The following AHR variants were observed in gnomAD, a reference collection of about 807,000 sequenced individuals.
AHR encodes AH-receptor.
Under a neutral mutation model 86.8 loss-of-function variants are expected in AHR, and 40 were observed. The ratio of observed to expected loss-of-function variants is 0.46; its 90% CI spans 0.36 to 0.60. The LOEUF is 0.60. Ranked by LOEUF, AHR falls within the 20% of genes least tolerant of loss-of-function variation. The probability of loss-of-function intolerance (pLI) is 0.00; values close to 1 mark genes in which losing one functional copy is unlikely to be tolerated. For missense variants in AHR, 1,001 were observed against 1,011.6 expected (o/e 0.99, Z 0.14); for synonymous variants, 398 against 354.9 (o/e 1.12, Z -1.37).
chr7:17,325,533 A>G (rs1191531164), intron 3 of AHR, among the ~76,000 whole-genome samples: 1 of 152,234 alleles, frequency 6.6e-6, no homozygotes, highest in Admixed American at 6.5e-5. Flanking sequence ...TTAGTCATTA[A>G]CTATTCAAGT....
At chr7:17,314,907 G>C (rs573033807) in intron 2 of AHR, among the ~76,000 whole-genome samples, 5 of 152,064 alleles carry the variant, frequency 3.3e-5, no homozygotes, top group African/African-American at 1.2e-4. Flanking sequence ...AAGTAGGTTT[G>C]TTTGCATAAC....
At chr7:17,342,619 C>G (rs1157499669) in intron 10 of AHR, among the ~76,000 whole-genome samples, 3 of 152,088 alleles carry the variant, frequency 2.0e-5, no homozygotes, top group East Asian at 1.9e-4. Flanking sequence ...TGCTGTTTGA[C>G]CCATCAATTC....
At chr7:17,328,588 C>A (rs1205501475) in intron 4 of AHR, among the ~76,000 whole-genome samples, 1 of 151,754 alleles carries the variant, frequency 6.6e-6, no homozygotes, top group Non-Finnish European at 1.5e-5. Context: ...CTTGGTCATC[C>A]CTGTGAGCCC....
At chr7:17,310,986 A>G (rs1782058430) in intron 2 of AHR, among the ~76,000 whole-genome samples, 1 of 152,154 alleles carries the variant, frequency 6.6e-6, no homozygotes, top group African/African-American at 2.4e-5. Flanking sequence ...CATTAACCAA[A>G]CCAGGTAGCA....
At chr7:17,299,673 T>C (rs1402434531) in intron 1 of AHR, among the ~76,000 whole-genome samples, 1 of 152,256 alleles carries the variant, frequency 6.6e-6, no homozygotes, top group African/African-American at 2.4e-5. Flanking sequence ...TATAAACCTG[T>C]CTTGAAATCT....
chr7:17,343,479 G>C lies in AHR; in HGVS notation c.*415G>C, dbSNP rs912342671. ...TTCTTATTAGTTCCCCAAATACAAA[G>C]TTAGAGAACTAAACTAGTTTTTCCT... On this transcript the variant is annotated 3_prime_UTR_variant, in exon 11 of 11. Coordinates refer to ENST00000242057, the MANE Select transcript of AHR (RefSeq NM_001621.5). 3.0e-5 allele frequency: 5 copies of C among 164,614 alleles called. No individual in the cohort carries two copies. The highest frequency in any genetic ancestry group is 1.2e-4 in the African/African-American group (5 of 41,548). The allele number at this position is 164,614 out of a possible 1,614,324, so 10.2% of individuals were successfully genotyped here. A position where few individuals can be genotyped will look rare whatever the true frequency, so the allele number is the denominator to read the frequency against.
Position 17,334,980 on chromosome 7 carries a change from C to A in AHR, c.1002C>A (p.Ala334=), listed in dbSNP as rs566364753. The A allele has an allele frequency of 1.9e-6, 3 of 1,612,522 alleles. No individual in the cohort carries two copies. The Admixed American group carries it at 5.0e-5, about 27-fold the overall frequency. The stretch of plus-strand genomic sequence containing the variant: ...ATGCAGCTGATATGCTTTATTGTGC[C>A]GAGTCCCATATCCGAAGTAAGTTGT... ...FIHAADMLYC[A]ESHIRMIKTG... is the part of the protein sequence containing the mutation. The change falls in exon 8 of 11, where the codon GCC becomes GCA. Residue 334 remains alanine, a synonymous_variant. Coordinates refer to ENST00000242057, the MANE Select transcript of AHR (RefSeq NM_001621.5).
chr7:17,312,708 T>C (rs1782078521), intron 2 of AHR, among the ~76,000 whole-genome samples: 1 of 152,196 alleles, frequency 6.6e-6, no homozygotes, highest in Non-Finnish European at 1.5e-5. Context: ...TTCAGTGTAT[T>C]TGACAGTAGG....
At chr7:17,340,343 G>T in intron 10 of AHR, 115 bp downstream of exon 10, 1 of 1,348,926 alleles carries the variant, frequency 7.4e-7, no homozygotes. Flanking sequence ...CATTCATGGA[G>T]ACAGCATTTT....
chr7:17,324,673 GTGCC>G (rs1316301724), intron 3 of AHR, among the ~76,000 whole-genome samples: 1 of 151,912 alleles, frequency 6.6e-6, no homozygotes, highest in Non-Finnish European at 1.5e-5. Context: ...GTGGTGGCGG[GTGCC>G]TGTAATCCTA....
intron 1 of AHR, among the ~76,000 whole-genome samples, chr7:17,299,566 T>C (rs2115347442): frequency 6.6e-6 from 1 of 152,368 alleles, no homozygotes; most frequent in South Asian, 2.1e-4. Context: ...CCCGCACCAG[T>C]GCATACACAC....
intron 2 of AHR, among the ~76,000 whole-genome samples, chr7:17,310,401 G>T (rs140374219): frequency 6.6e-6 from 1 of 151,594 alleles, no homozygotes; most frequent in African/African-American, 2.4e-5. Context: ...TCAAATTCCA[G>T]TTTCCCTTCT....
chr7:17,303,847 AAATTTACTAATTAC>A (rs1159865985), intron 1 of AHR, among the ~76,000 whole-genome samples: 2 of 152,126 alleles, frequency 1.3e-5, no homozygotes, highest in Non-Finnish European at 2.9e-5. Flanking sequence ...AAATTAAGAA[AAATTTACTAATTAC>A]ATTCCATCAT....
At chr7:17,317,724 A>T (rs1042086867) in intron 2 of AHR, among the ~76,000 whole-genome samples, 6 of 152,112 alleles carry the variant, frequency 3.9e-5, no homozygotes, top group Admixed American at 2.0e-4. Context: ...GTGGCTAAGC[A>T]TTGTATTTTA....
At position 17,344,393 on chromosome 7, in the gene AHR, C is replaced by A. The variant is rs1012033201; in HGVS notation, c.*1329C>A. 2.6e-5 allele frequency: 4 copies of A among 152,674 alleles called. No individual in the cohort carries two copies. The highest frequency in any genetic ancestry group is 4.4e-5 in the Non-Finnish European group (3 of 68,020). The allele number at this position is 152,674 out of a possible 1,614,324, so 9.5% of individuals were successfully genotyped here. ...AAAAAGTCCATACCTTATATATGCACTTAATTTGTTGGGGCTTTACATACT... is the reference window on the plus strand; with the variant it reads ...AAAAAGTCCATACCTTATATATGCAATTAATTTGTTGGGGCTTTACATACT... On this transcript the variant is annotated 3_prime_UTR_variant, in exon 11 of 11. Transcript: ENST00000242057.
At chr7:17,303,508 T>C (rs1781974521) in intron 1 of AHR, among the ~76,000 whole-genome samples, 1 of 152,098 alleles carries the variant, frequency 6.6e-6, no homozygotes, top group Admixed American at 6.6e-5. Flanking sequence ...CCCATACTTG[T>C]GTTTTTACGT....
At chr7:17,335,461 A>G (rs571319050) in intron 8 of AHR, among the ~76,000 whole-genome samples, 184 bp from the exon 9 acceptor site, 1 of 152,194 alleles carries the variant, frequency 6.6e-6, no homozygotes, top group African/African-American at 2.4e-5. Flanking sequence ...CATTTAAAAT[A>G]ATAAATTTAA....
intron 1 of AHR, among the ~76,000 whole-genome samples, chr7:17,309,200 C>T (rs915033744): frequency 2.6e-5 from 4 of 152,002 alleles, no homozygotes; most frequent in Non-Finnish European, 4.4e-5. Context: ...TTTAGGGTTC[C>T]GTTGAACTTT....
At chr7:17,329,301 CTT>C (rs1318587739) in intron 4 of AHR, among the ~76,000 whole-genome samples, 16 of 151,966 alleles carry the variant, frequency 1.1e-4, no homozygotes, top group Admixed American at 8.5e-4. Flanking sequence ...TTTTGTGAAA[CTT>C]TTCCATGTGT....
Sources: gnomAD v4.1 joint callset for allele counts (sites outside exome capture counted in the v4.1 genomes callset) on GRCh38, gnomAD v4.1.1 for gene constraint, MANE v1.5 for transcripts, NCBI Gene and HGNC (gene_info 2026-07-23, HGNC 2026-07-21) for gene names.